Variants in ADAMTSL1 observed in about 807,000 individuals in gnomAD.
ADAMTSL1 encodes ADAMTS-like protein 1.
A neutral mutation model predicts 201.8 loss-of-function variants in ADAMTSL1; 126 were observed. That is an observed-to-expected ratio of 0.62 (90% CI 0.54 to 0.72). The LOEUF (loss-of-function observed/expected upper bound fraction) is 0.72, where lower values mean the gene tolerates loss of function less well. ADAMTSL1 is among the 30% of genes least tolerant of loss of function. ADAMTSL1 has a pLI of 0.00. For missense variants in ADAMTSL1, 2,679 were observed against 2,277.8 expected (o/e 1.18, Z -3.59); for synonymous variants, 1,121 against 903.4 (o/e 1.24, Z -4.32).
intron 3 of ADAMTSL1, among the ~76,000 whole-genome samples, chr9:18,547,851 G>A (rs1489580179): frequency 6.6e-6 from 1 of 151,784 alleles, no homozygotes; most frequent in Admixed American, 6.6e-5. Flanking sequence ...TGGACCGGGG[G>A]CCATGTGAAC....
At chr9:17,940,635 G>A (rs541672031) in intron 1 of ADAMTSL1, among the ~76,000 whole-genome samples, 2 of 148,504 alleles carry the variant, frequency 1.3e-5, no homozygotes, top group East Asian at 4.0e-4. Context: ...GAGGGGGTTT[G>A]CATTATAAAT....
chr9:17,988,788 A>G (rs1315214643), intron 1 of ADAMTSL1, among the ~76,000 whole-genome samples: 1 of 151,926 alleles, frequency 6.6e-6, no homozygotes, highest in Admixed American at 6.6e-5. Context: ...AACGTGTTAG[A>G]ATAATTTTGG....
At chr9:18,818,722 C>G (rs577911644) in intron 21 of ADAMTSL1, among the ~76,000 whole-genome samples, 8 of 152,068 alleles carry the variant, frequency 5.3e-5, no homozygotes, top group African/African-American at 1.7e-4. Flanking sequence ...GCCCAGAGGT[C>G]AAGGCTGCAG....
chr9:18,649,804 G>T (rs929575807), intron 7 of ADAMTSL1, among the ~76,000 whole-genome samples: 2 of 152,118 alleles, frequency 1.3e-5, no homozygotes, highest in South Asian at 2.1e-4. Context: ...CCCTACTGGG[G>T]GGTGCCTCCC....
intron 1 of ADAMTSL1, among the ~76,000 whole-genome samples, chr9:18,153,048 GA>G (rs35287497): frequency 0.74 from 111,957 of 151,796 alleles, 41,951 homozygotes; most frequent in Middle Eastern, 0.81. Flanking sequence ...GCATGAAGTA[GA>G]AAAAAAAGCC....
At chr9:17,916,101 T>C (rs1208645352) in intron 1 of ADAMTSL1, among the ~76,000 whole-genome samples, 1 of 152,178 alleles carries the variant, frequency 6.6e-6, no homozygotes, top group East Asian at 1.9e-4. Context: ...TTTGTACTTT[T>C]AGTGGAGACA....
At chr9:18,383,528 TTTAAAGTGATAATTAC>T (rs976804182) in intron 2 of ADAMTSL1, among the ~76,000 whole-genome samples, 1 of 152,106 alleles carries the variant, frequency 6.6e-6, no homozygotes, top group African/African-American at 2.4e-5. Flanking sequence ...CAGAAAATTT[TTTAAAGTGATAATTAC>T]TTTAAGCCAC....
chr9:17,923,167 A>G (rs1826376188), intron 1 of ADAMTSL1, among the ~76,000 whole-genome samples: 4 of 151,558 alleles, frequency 2.6e-5, no homozygotes, highest in South Asian at 4.2e-4. Context: ...GTTTTTTCCA[A>G]TTCTGTGAAG....
chr9:18,745,343 G>T (rs1439064288), intron 15 of ADAMTSL1, among the ~76,000 whole-genome samples: 2 of 152,098 alleles, frequency 1.3e-5, no homozygotes, highest in African/African-American at 4.8e-5. Flanking sequence ...TTGCTCAAAG[G>T]ATTAAAATAT....
chr9:18,755,220 A>G (rs1819684408), intron 16 of ADAMTSL1, among the ~76,000 whole-genome samples: 1 of 152,192 alleles, frequency 6.6e-6, no homozygotes, highest in Non-Finnish European at 1.5e-5. Flanking sequence ...GTGCATTTAT[A>G]CTAAGTTACC....
At chr9:18,770,907 T>A (rs1381376216) in intron 17 of ADAMTSL1, 126 bp downstream of exon 17, 1 of 1,058,920 alleles carries the variant, frequency 9.4e-7, no homozygotes, top group Admixed American at 2.7e-5. Context: ...ATAGTATTTT[T>A]GTAACCATAT....
intron 3 of ADAMTSL1, among the ~76,000 whole-genome samples, chr9:18,545,502 G>A (rs1820417365): frequency 6.6e-6 from 1 of 151,966 alleles, no homozygotes; most frequent in Non-Finnish European, 1.5e-5. Flanking sequence ...GTCTATTATA[G>A]CAATTATAAT....
intron 2 of ADAMTSL1, among the ~76,000 whole-genome samples, chr9:18,428,836 A>T (rs1310147164): frequency 6.6e-6 from 1 of 152,188 alleles, no homozygotes; most frequent in Non-Finnish European, 1.5e-5. Context: ...ATAAAAGGCC[A>T]TTGGGCCCTC....
chr9:18,016,979 G>A (rs987486698), intron 1 of ADAMTSL1, among the ~76,000 whole-genome samples: 1 of 151,980 alleles, frequency 6.6e-6, no homozygotes, highest in Non-Finnish European at 1.5e-5. Flanking sequence ...CAGATACCTA[G>A]CATATGTACC....
At chr9:18,218,427 T>C (rs1830133226) in intron 2 of ADAMTSL1, among the ~76,000 whole-genome samples, 1 of 152,200 alleles carries the variant, frequency 6.6e-6, no homozygotes, top group Non-Finnish European at 1.5e-5. Context: ...TGCTAGTTTT[T>C]GTGATGAGCT....
intron 2 of ADAMTSL1, among the ~76,000 whole-genome samples, chr9:18,412,598 G>T (rs1226623988): frequency 6.6e-6 from 1 of 152,136 alleles, no homozygotes; most frequent in African/African-American, 2.4e-5. Flanking sequence ...ACAACCACCA[G>T]TGATGATCTA....
intron 17 of ADAMTSL1, among the ~76,000 whole-genome samples, chr9:18,771,899 A>T (rs1276109969): frequency 6.6e-6 from 1 of 152,062 alleles, no homozygotes; most frequent in African/African-American, 2.4e-5. Context: ...GAATTCCATG[A>T]GATGGTGCCT....
intron 23 of ADAMTSL1, 134 bp downstream of exon 23, chr9:18,830,111 A>C: frequency 8.1e-7 from 1 of 1,228,044 alleles, no homozygotes; most frequent in Admixed American, 2.5e-5. Context: ...TGCCTACAGA[A>C]TCCAGACTCA....
chr9:18,648,714 T>C (rs1827986821), intron 7 of ADAMTSL1, among the ~76,000 whole-genome samples: 1 of 151,744 alleles, frequency 6.6e-6, no homozygotes, highest in Non-Finnish European at 1.5e-5. Context: ...TGAATATTGG[T>C]CCCCACTGTC....
Sources: gnomAD v4.1 joint callset for allele counts (sites outside exome capture counted in the v4.1 genomes callset) on GRCh38, gnomAD v4.1.1 for gene constraint, MANE v1.5 for transcripts, NCBI Gene and HGNC (gene_info 2026-07-23, HGNC 2026-07-21) for gene names.